Variants in CSMD3 observed in about 807,000 individuals in gnomAD.
The protein encoded by CSMD3 is CUB and sushi domain-containing protein 3.
In CSMD3, 177 loss-of-function variants were observed where a neutral mutation model predicts 435.2. The observed-to-expected ratio is 0.41, with a 90% CI of 0.36 to 0.46. The LOEUF is 0.46. Ranked by LOEUF, CSMD3 falls within the 20% of genes least tolerant of loss-of-function variation. The pLI, the probability that CSMD3 is intolerant of heterozygous loss-of-function variation, is 0.34. For synonymous variants in CSMD3, 1,656 were observed against 1,520.5 expected (o/e 1.09, Z -2.07); for missense variants, 4,265 against 4,504.6 (o/e 0.95, Z 1.52).
At chr8:112,467,346 G>A (rs562776821) in intron 32 of CSMD3, among the ~76,000 whole-genome samples, 2 of 152,264 alleles carry the variant, frequency 1.3e-5, no homozygotes, top group South Asian at 2.1e-4. Context: ...GTGTCTTCTA[G>A]GAGGTAGAGC....
At chr8:112,502,058 G>A (rs1001214256) in intron 30 of CSMD3, among the ~76,000 whole-genome samples, 35 of 152,160 alleles carry the variant, frequency 2.3e-4, no homozygotes, top group African/African-American at 8.2e-4. Flanking sequence ...ATACTAGCAT[G>A]AAAAGAGCAG....
chr8:112,366,525 G>C (rs1017823603), intron 38 of CSMD3, among the ~76,000 whole-genome samples: 2 of 152,164 alleles, frequency 1.3e-5, no homozygotes, highest in African/African-American at 4.8e-5. Context: ...AGCCTCCTGA[G>C]TAGTTGGGAT....
intron 4 of CSMD3, among the ~76,000 whole-genome samples, chr8:113,112,396 T>A (rs1363546083): frequency 4.7e-3 from 5 of 1,074 alleles, no homozygotes; most frequent in South Asian, 0.028. Context: ...CATATATATA[T>A]ATATATATAT....
intron 2 of CSMD3, among the ~76,000 whole-genome samples, chr8:113,285,634 T>C (rs1436025499): frequency 2.0e-5 from 3 of 152,138 alleles, no homozygotes; most frequent in Admixed American, 1.3e-4. Context: ...TAAGTAAGAT[T>C]AGTAAACATT....
intron 22 of CSMD3, among the ~76,000 whole-genome samples, chr8:112,609,044 C>A (rs113834172): frequency 0.012 from 1,798 of 151,184 alleles, 39 homozygotes; most frequent in African/African-American, 0.042. Context: ...TAACAATCAA[C>A]AAAATGAAAA....
chr8:113,322,426 T>A (rs751089696), intron 1 of CSMD3, among the ~76,000 whole-genome samples: 1 of 152,148 alleles, frequency 6.6e-6, no homozygotes, highest in Non-Finnish European at 1.5e-5. Flanking sequence ...AAGACACACT[T>A]TTTGACCCAT....
intron 13 of CSMD3, among the ~76,000 whole-genome samples, chr8:112,793,141 TA>T (rs2078733362): frequency 6.8e-6 from 1 of 147,702 alleles, no homozygotes; most frequent in Non-Finnish European, 1.5e-5. Flanking sequence ...TAATTTAATA[TA>T]TTACATATTA....
rs11997181 is a variant in CSMD3, at chr8:113,000,650, A to G, written c.1030+18417T>C. Reference sequence around the variant, plus strand: ...GAAAAAATTACTCTTCTAGTTTTCAATCTACCTTATGGACACTTGGTTCTT... The same window carrying G: ...GAAAAAATTACTCTTCTAGTTTTCAGTCTACCTTATGGACACTTGGTTCTT... On this transcript the variant is annotated intron_variant, in intron 6 of 70. Coordinates refer to ENST00000297405, the MANE Select transcript of CSMD3 (RefSeq NM_198123.2). Among the ~76,000 whole-genome samples the G allele has an allele frequency of 2.9e-3, 438 of 152,200 alleles. 3 individuals are homozygous for G. Among genetic ancestry groups the G allele is most frequent in the African/African-American group, 9.6e-3 (400 of 41,558 alleles).
At chr8:112,447,968 T>C (rs1487403102) in intron 32 of CSMD3, among the ~76,000 whole-genome samples, 1 of 152,128 alleles carries the variant, frequency 6.6e-6, no homozygotes, top group African/African-American at 2.4e-5. Context: ...TATTTGGAAG[T>C]AGGATTTTTA....
intron 1 of CSMD3, among the ~76,000 whole-genome samples, chr8:113,355,458 C>A (rs1427840743): frequency 6.6e-6 from 1 of 151,904 alleles, no homozygotes; most frequent in Non-Finnish European, 1.5e-5. Context: ...GTGAGGGCCA[C>A]TTTCTTGCTG....
chr8:113,090,029 A>C (rs1001382492), intron 5 of CSMD3, among the ~76,000 whole-genome samples: 2 of 152,152 alleles, frequency 1.3e-5, no homozygotes, highest in Non-Finnish European at 2.9e-5. Flanking sequence ...ATTGTAGCAG[A>C]GAAAGTCATT....
intron 2 of CSMD3, chr8:113,312,100 T>C (rs1361859264): frequency 6.6e-6 from 1 of 152,114 alleles, no homozygotes; most frequent in Non-Finnish European, 1.5e-5. Context: ...ACATAAACTT[T>C]GGAGATTGTG....
At chr8:112,591,410 A>G (rs959877792) in intron 22 of CSMD3, among the ~76,000 whole-genome samples, 2 of 152,228 alleles carry the variant, frequency 1.3e-5, no homozygotes, top group East Asian at 1.9e-4. Context: ...ATTAATCTCC[A>G]TTACTGGGAT....
intron 58 of CSMD3, among the ~76,000 whole-genome samples, chr8:112,281,962 C>T (rs1437475697): frequency 1.3e-5 from 2 of 152,088 alleles, no homozygotes; most frequent in Non-Finnish European, 2.9e-5. Flanking sequence ...ATAAAAGTTA[C>T]AAACACGAAT....
chr8:112,754,513 G>C (rs1253765519), intron 13 of CSMD3, among the ~76,000 whole-genome samples: 1 of 151,928 alleles, frequency 6.6e-6, no homozygotes, highest in Non-Finnish European at 1.5e-5. Context: ...TTTCAAAAAG[G>C]GTTCTAACAG....
At chr8:112,389,057 T>C (rs1830196144) in intron 36 of CSMD3, among the ~76,000 whole-genome samples, 1 of 152,064 alleles carries the variant, frequency 6.6e-6, no homozygotes, top group Non-Finnish European at 1.5e-5. Context: ...AACAGCAAGA[T>C]AGAGAGCTGC....
chr8:113,090,374 T>G (rs985820481), intron 5 of CSMD3, among the ~76,000 whole-genome samples: 2 of 132,692 alleles, frequency 1.5e-5, no homozygotes, highest in African/African-American at 5.1e-5. Flanking sequence ...TTTGAAATAT[T>G]TGTTTATTTA....
chr8:112,395,723 G>T (rs1830799969), intron 35 of CSMD3, among the ~76,000 whole-genome samples: 1 of 152,140 alleles, frequency 6.6e-6, no homozygotes, highest in South Asian at 2.1e-4. Flanking sequence ...ATTAGTGGCT[G>T]CAGGGGGTTA....
At chr8:113,130,603 T>A (rs2091260253) in intron 4 of CSMD3, among the ~76,000 whole-genome samples, 1 of 152,160 alleles carries the variant, frequency 6.6e-6, no homozygotes, top group Non-Finnish European at 1.5e-5. Context: ...TCTCAGGTAG[T>A]TCCTTAGAGC....
Sources: allele counts gnomAD v4.1 joint callset (sites outside exome capture counted in the v4.1 genomes callset), GRCh38; gene constraint gnomAD v4.1.1; transcripts MANE v1.5; gene names NCBI Gene and HGNC (gene_info 2026-07-23, HGNC 2026-07-21).